GALM: variants seen among roughly 807,000 people sequenced by gnomAD.
GALM encodes aldose 1-epimerase.
A neutral mutation model predicts 37.4 loss-of-function variants in GALM; 43 were observed. That is an observed-to-expected ratio of 1.15 (90% confidence interval 0.90 to 1.48). The LOEUF is 1.48. Ranked by LOEUF, GALM falls within the 40% of genes most tolerant of loss-of-function variation. GALM has a pLI of 0.00. For missense variants in GALM, 456 were observed against 419.1 expected, an observed-to-expected ratio of 1.09 and a Z score of -0.77; for synonymous variants, 199 against 170.6, an observed-to-expected ratio of 1.17 and a Z score of -1.30.
At chr2:38,725,629 C>T (rs1003376100) in intron 4 of GALM, among the ~76,000 whole-genome samples, 5 of 152,112 alleles carry the variant, frequency 3.3e-5, no homozygotes, top group Admixed American at 3.3e-4. Context: ...GCAGGAGGAT[C>T]ACTTGAGCAT....
intron 3 of GALM, among the ~76,000 whole-genome samples, chr2:38,686,276 C>CTTTCTTTCTTTCTTTCTCTCT (rs1294189123): frequency 1.0e-5 from 1 of 99,034 alleles, no homozygotes; most frequent in African/African-American, 4.3e-5. Context: ...TTCTTTCTTT[C>CTTTCTTTCTTTCTTTCTCTCT]TTATTTTGAG....
At chr2:38,679,961 A>G (rs1032497195) in intron 2 of GALM, 12 of 437,384 alleles carry the variant, frequency 2.7e-5, no homozygotes, top group African/African-American at 1.4e-4. Flanking sequence ...GAGAACAGCC[A>G]CTATGTTAAT....
intron 3 of GALM, among the ~76,000 whole-genome samples, chr2:38,689,242 C>T (rs971517269): frequency 6.6e-6 from 1 of 152,218 alleles, no homozygotes; most frequent in Admixed American, 6.5e-5. Flanking sequence ...GTACACCAGC[C>T]TTTGACTCCC....
chr2:38,672,966 C>T (rs1489129359), intron 1 of GALM, among the ~76,000 whole-genome samples: 1 of 152,068 alleles, frequency 6.6e-6, no homozygotes, highest in Non-Finnish European at 1.5e-5. Flanking sequence ...GCCAAGACCG[C>T]ACACTGCACT....
chr2:38,701,747 G>A (rs897318757), intron 4 of GALM, among the ~76,000 whole-genome samples: 7 of 152,168 alleles, frequency 4.6e-5, no homozygotes, highest in African/African-American at 1.7e-4. Context: ...CTCTGCCTTG[G>A]AGAAATAGCA....
rs746060196 is a variant in GALM at position 38,666,147 on chromosome 2, C to A, written c.-15C>A. On this transcript the variant is annotated 5_prime_UTR_variant, in exon 1 of 7. Transcript: ENST00000272252. ...TTGAAGAGCGGGCAGTGGCTGCACA[C>A]GCCAAACTTTCCCTATGGCTTCGGT... 2 of 1,604,534 alleles carry A rather than the reference C, an allele frequency of 1.2e-6. No individual in the cohort carries two copies. The highest frequency in any genetic ancestry group is 2.2e-5 in the East Asian group (1 of 44,702).
At chr2:38,666,919 TC>T (rs990294719) in intron 1 of GALM, among the ~76,000 whole-genome samples, 6 of 152,094 alleles carry the variant, frequency 3.9e-5, no homozygotes, top group African/African-American at 1.4e-4. Flanking sequence ...TTCTCAGAGA[TC>T]AGGTCTCCTA....
chr2:38,677,344 C>G (rs1021859457), intron 2 of GALM, among the ~76,000 whole-genome samples: 4 of 152,094 alleles, frequency 2.6e-5, no homozygotes, highest in African/African-American at 9.7e-5. Flanking sequence ...TGCCTCTAAC[C>G]ACCACTTGTC....
chr2:38,671,600 A>G (rs1178030526), intron 1 of GALM, among the ~76,000 whole-genome samples: 1 of 152,224 alleles, frequency 6.6e-6, no homozygotes, highest in Non-Finnish European at 1.5e-5. Flanking sequence ...GTGGGAGCAC[A>G]AAGCCAAAGC....
chr2:38,723,252 G>T (rs1421521211), intron 4 of GALM, among the ~76,000 whole-genome samples: 1 of 152,138 alleles, frequency 6.6e-6, no homozygotes, highest in Non-Finnish European at 1.5e-5. Context: ...TGAGAGGCCG[G>T]GGGAAAAGAG....
intron 3 of GALM, among the ~76,000 whole-genome samples, chr2:38,682,592 C>A (rs769859107): frequency 1.1e-4 from 16 of 152,162 alleles, no homozygotes; most frequent in Non-Finnish European, 1.9e-4. Flanking sequence ...CTTTCACCAT[C>A]CTTCTTGAAA....
chr2:38,724,278 G>C (rs1391950080), intron 4 of GALM, among the ~76,000 whole-genome samples: 1 of 152,042 alleles, frequency 6.6e-6, no homozygotes, highest in Non-Finnish European at 1.5e-5. Flanking sequence ...ATTTGACTTT[G>C]ACAAATCCTG....
intron 3 of GALM, among the ~76,000 whole-genome samples, chr2:38,681,832 C>A (rs776983761): frequency 6.6e-6 from 1 of 152,202 alleles, no homozygotes; most frequent in Non-Finnish European, 1.5e-5. Context: ...AATTAAGGTG[C>A]CTTCCACCCT....
intron 4 of GALM, among the ~76,000 whole-genome samples, chr2:38,709,356 T>C (rs570509648): frequency 6.6e-6 from 1 of 152,254 alleles, no homozygotes; most frequent in African/African-American, 2.4e-5. Context: ...GTCATCCTGA[T>C]GGATCTAAGA....
chr2:38,719,238 G>A (rs1307912813), intron 4 of GALM, among the ~76,000 whole-genome samples: 4 of 151,864 alleles, frequency 2.6e-5, no homozygotes, highest in South Asian at 2.1e-4. Context: ...TTGGGAACCC[G>A]AGGTGGGTGG....
intron 1 of GALM, among the ~76,000 whole-genome samples, chr2:38,673,733 C>CCT (rs1665170693): frequency 6.7e-6 from 1 of 149,616 alleles, no homozygotes; most frequent in Non-Finnish European, 1.5e-5. Context: ...TGGCGTGAAC[C>CCT]TGGGAGGCGG....
At chr2:38,678,299 C>T (rs888672560) in intron 2 of GALM, among the ~76,000 whole-genome samples, 22 of 152,046 alleles carry the variant, frequency 1.4e-4, no homozygotes, top group African/African-American at 4.6e-4. Flanking sequence ...CATGATCCAT[C>T]GCACCCGGCC....
intron 2 of GALM, among the ~76,000 whole-genome samples, chr2:38,679,209 A>G (rs535566356): frequency 2.0e-5 from 3 of 151,914 alleles, no homozygotes; most frequent in Non-Finnish European, 4.4e-5. Flanking sequence ...CTTGTCTCGA[A>G]CTCTTGACCT....
At chr2:38,684,974 G>A (rs886949273) in intron 3 of GALM, among the ~76,000 whole-genome samples, 4 of 152,128 alleles carry the variant, frequency 2.6e-5, no homozygotes, top group African/African-American at 7.2e-5. Flanking sequence ...TGCTTCCTCA[G>A]TATTTTGGCT....
Sources: allele counts gnomAD v4.1 joint callset (sites outside exome capture counted in the v4.1 genomes callset), GRCh38; gene constraint gnomAD v4.1.1; transcripts MANE v1.5; gene names NCBI Gene and HGNC (gene_info 2026-07-23, HGNC 2026-07-21).